ISM1: variants seen among roughly 807,000 people sequenced by gnomAD.
ISM1 encodes the protein isthmin 1, also known as isthmin-1.
A neutral mutation model predicts 46.3 loss-of-function variants in ISM1; 25 were observed. That is an observed-to-expected ratio of 0.54 (90% confidence interval 0.39 to 0.75). The LOEUF (loss-of-function observed/expected upper bound fraction) is 0.75. Ranked by LOEUF, ISM1 falls within the 30% of genes least tolerant of loss-of-function variation. ISM1 has a pLI of 0.00. For synonymous variants in ISM1, 255 were observed against 256.7 expected, an observed-to-expected ratio of 0.99 and a Z score of 0.06; for missense variants, 536 against 625.4, an observed-to-expected ratio of 0.86 and a Z score of 1.52.
At chr20:13,242,293 G>A (rs1316138362) in intron 1 of ISM1, among the ~76,000 whole-genome samples, 3 of 152,250 alleles carry the variant, frequency 2.0e-5, no homozygotes, top group African/African-American at 4.8e-5. Context: ...TTAGATGAAC[G>A]GAGAATGACC....
chr20:13,230,059 TC>T (rs2039571770), intron 1 of ISM1, among the ~76,000 whole-genome samples: 1 of 152,212 alleles, frequency 6.6e-6, no homozygotes. Flanking sequence ...TTTATTCACT[TC>T]TACTCATAGT....
At chr20:13,295,435 A>T (rs1225232257) in intron 5 of ISM1, among the ~76,000 whole-genome samples, 1 of 152,154 alleles carries the variant, frequency 6.6e-6, no homozygotes, top group Non-Finnish European at 1.5e-5. Flanking sequence ...GAAACTGAAC[A>T]TGTCATGCCC....
At chr20:13,290,387 T>C (rs1052262909) in intron 4 of ISM1, among the ~76,000 whole-genome samples, 7 of 152,190 alleles carry the variant, frequency 4.6e-5, no homozygotes, top group East Asian at 1.9e-4. Context: ...CGGTGGCTCA[T>C]GCCTGTAATC....
rs182456491 is a variant in ISM1 at position 13,284,941 on chromosome 20, T to G, written c.644-3599T>G. Among the ~76,000 whole-genome samples, 157 of 152,260 alleles carry G rather than the reference T, an allele frequency of 1.0e-3. 2 individuals carry two copies. Among genetic ancestry groups the G allele is most frequent in the Non-Finnish European group, 2.2e-4 (15 of 68,022 alleles). Reference sequence around the variant, plus strand: ...TCTGGCAGCTGTCTAGAGAGTATATTTTAGGGAGGATTTTATGGGGTATTT... The same window carrying G: ...TCTGGCAGCTGTCTAGAGAGTATATGTTAGGGAGGATTTTATGGGGTATTT... On this transcript the variant is annotated intron_variant, in intron 3 of 5. Coordinates refer to ENST00000262487, the MANE Select transcript of ISM1 (RefSeq NM_080826.2).
chr20:13,319,077 T>C, the ISM1 span, among the ~76,000 whole-genome samples: 3 of 152,166 alleles, frequency 2.0e-5, no homozygotes, highest in Admixed American at 2.0e-4. Context: ...ATGACTCTAG[T>C]GGAAGATGTC....
chr20:13,263,251 A>G (rs1415907795), intron 1 of ISM1, among the ~76,000 whole-genome samples: 1 of 152,116 alleles, frequency 6.6e-6, no homozygotes, highest in Non-Finnish European at 1.5e-5. Flanking sequence ...CAGCCTTGTC[A>G]TCTGTGTCTT....
At chr20:13,317,775 T>C in the ISM1 span, among the ~76,000 whole-genome samples, 1 of 152,114 alleles carries the variant, frequency 6.6e-6, no homozygotes, top group Admixed American at 6.5e-5. Flanking sequence ...CTTTATACCC[T>C]TCACAAAAAT....
chr20:13,253,773 TG>T (rs2039893230), intron 1 of ISM1, among the ~76,000 whole-genome samples: 1 of 152,050 alleles, frequency 6.6e-6, no homozygotes, highest in Non-Finnish European at 1.5e-5. Context: ...AGTTTTTCTG[TG>T]AGCTCAGCTA....
chr20:13,238,446 T>C (rs540781647), intron 1 of ISM1, among the ~76,000 whole-genome samples: 2 of 152,244 alleles, frequency 1.3e-5, no homozygotes, highest in South Asian at 2.1e-4. Flanking sequence ...AGGGTAAACA[T>C]TTTTTTAAGG....
chr20:13,266,819 C>T (rs1481329492), intron 1 of ISM1, among the ~76,000 whole-genome samples: 2 of 152,198 alleles, frequency 1.3e-5, no homozygotes, highest in Non-Finnish European at 2.9e-5. Context: ...AGATCCACCC[C>T]TCTTGAAAAT....
chr20:13,318,486 C>G, the ISM1 span, among the ~76,000 whole-genome samples: 1 of 152,128 alleles, frequency 6.6e-6, no homozygotes. Flanking sequence ...GGTATTTACC[C>G]AAAAAACTTG....
chr20:13,238,368 T>C (rs2039677382), intron 1 of ISM1, among the ~76,000 whole-genome samples: 1 of 152,200 alleles, frequency 6.6e-6, no homozygotes, highest in Admixed American at 6.5e-5. Flanking sequence ...GCCACCTCAC[T>C]AAAATCAGGC....
chr20:13,282,715 C>T (rs143001478), intron 3 of ISM1, among the ~76,000 whole-genome samples: 152 of 152,294 alleles, frequency 1.0e-3, no homozygotes, highest in African/African-American at 3.5e-3. Context: ...TAAATAAAGT[C>T]GTGTTCTGTG....
chr20:13,259,333 T>C (rs116719394), intron 1 of ISM1, among the ~76,000 whole-genome samples: 1,537 of 151,950 alleles, frequency 0.01, 27 homozygotes, highest in African/African-American at 0.035. Context: ...CTTCCTTACA[T>C]TGAAAACTTC....
chr20:13,277,947 A>C (rs2040198798), intron 2 of ISM1, among the ~76,000 whole-genome samples: 1 of 152,188 alleles, frequency 6.6e-6, no homozygotes, highest in African/African-American at 2.4e-5. Context: ...TTCGTAACAC[A>C]AAAGGAAGGG....
chr20:13,309,157 T>A, the ISM1 span, among the ~76,000 whole-genome samples: 16 of 152,172 alleles, frequency 1.1e-4, no homozygotes, highest in South Asian at 2.9e-3. Flanking sequence ...GACACCAACA[T>A]ACATAATAAA....
At chr20:13,294,146 TAA>T (rs368102931) in intron 5 of ISM1, among the ~76,000 whole-genome samples, 312 of 152,328 alleles carry the variant, frequency 2.0e-3, no homozygotes, top group African/African-American at 7.1e-3. Flanking sequence ...TCTGGGTTTC[TAA>T]GAGAGGCCTG....
intron 1 of ISM1, among the ~76,000 whole-genome samples, chr20:13,269,640 C>T (rs1286342639): frequency 2.0e-5 from 3 of 152,140 alleles, no homozygotes; most frequent in Non-Finnish European, 4.4e-5. Context: ...TGGCAGGGTG[C>T]CACCTTCTCT....
At chr20:13,228,839 T>G (rs2039557612) in intron 1 of ISM1, among the ~76,000 whole-genome samples, 1 of 152,240 alleles carries the variant, frequency 6.6e-6, no homozygotes, top group Non-Finnish European at 1.5e-5. Context: ...CTCATACTTT[T>G]ATTTCTGTTG....
Sources: gnomAD v4.1 joint callset for allele counts (sites outside exome capture counted in the v4.1 genomes callset) on GRCh38, gnomAD v4.1.1 for gene constraint, MANE v1.5 for transcripts, NCBI Gene and HGNC (gene_info 2026-07-23, HGNC 2026-07-21) for gene names.